FBXO28: variants seen among roughly 807,000 people sequenced by gnomAD.
FBXO28 encodes the protein F-box protein 28.
In FBXO28, 8 loss-of-function variants were observed where a neutral mutation model predicts 38.1. That is an observed-to-expected ratio of 0.21 (90% CI 0.12 to 0.38). FBXO28 has a LOEUF of 0.38. Ranked by LOEUF, FBXO28 falls within the 10% of genes least tolerant of loss-of-function variation. FBXO28 has a pLI of 1.00. For synonymous variants in FBXO28, 168 were observed against 173.8 expected (o/e 0.97, Z 0.26); for missense variants, 345 against 460.6 (o/e 0.75, Z 2.30).
rs367724653 is a variant in FBXO28 at position 224,153,270 on chromosome 1, T to C, written c.645T>C (p.Ile215=). Reference sequence around the variant, plus strand: ...CAATGGAGTACTTTGATGAAAAGATTGTTCCAATTTTAAAGAGGAAATTAC... The same window carrying C: ...CAATGGAGTACTTTGATGAAAAGATCGTTCCAATTTTAAAGAGGAAATTAC... ...SMAMEYFDEK[I]VPILKRKLPG... The change falls in exon 4 of 5, where the codon ATT becomes ATC. Residue 215 remains isoleucine (I), a synonymous_variant. Coordinates refer to ENST00000366862, the MANE Select transcript of FBXO28 (RefSeq NM_015176.4). 4 of 1,611,408 alleles carry C rather than the reference T, an allele frequency of 2.5e-6. No individual in the cohort carries two copies. In the African/African-American group the frequency reaches 5.3e-5, roughly 22 times the overall value.
At position 224,157,653 on chromosome 1, in the gene FBXO28, C is replaced by A. The variant is rs1265726507; in HGVS notation, c.1014C>A (p.Ser338=). ...GTGCTGTAGGAAATTCCTCAGGGTC[C>A]GGGCAGAATGAGGAGTCTCCTCGGA... is the stretch of plus-strand genomic sequence containing the variant. The part of the protein sequence containing the change: ...MESAVGNSSG[S]GQNEESPRKR... The change falls in exon 5 of 5, where the codon TCC becomes TCA. Residue 338 remains serine (S), a synonymous_variant. Transcript: ENST00000366862. 3 of 1,614,026 alleles carry A rather than the reference C, an allele frequency of 1.9e-6. No homozygotes were observed. In the African/African-American group the frequency reaches 4.0e-5, roughly 22 times the overall value.
intron 1 of FBXO28, among the ~76,000 whole-genome samples, chr1:224,128,482 T>C (rs1266467052): frequency 6.6e-6 from 1 of 152,134 alleles, no homozygotes; most frequent in Non-Finnish European, 1.5e-5. Context: ...AAAGTTTATT[T>C]AACAATTTTA....
intron 3 of FBXO28, among the ~76,000 whole-genome samples, chr1:224,143,218 CAAA>C (rs1161345004): frequency 1.1e-4 from 7 of 63,378 alleles, no homozygotes; most frequent in African/African-American, 1.1e-4. Flanking sequence ...GACTCTGTCT[CAAA>C]AAAAAAAAAA....
Position 224,114,163 on chromosome 1 carries a change from G to A in FBXO28, c.34G>A (p.Glu12Lys), listed in dbSNP as rs200241880. ...AGCGGCGGAGGAGCGGATGGCAGAG[G>A]AAGGAGGCGGCGGCCAAGGCGACGG... ...AAAAEERMAEEGGGGQGDGGS... is the reference protein window; with the variant it reads ...AAAAEERMAEKGGGGQGDGGS... Residue 12 changes from glutamate (E) to lysine (K), a missense_variant, in exon 1 of 5, where the codon GAA (glutamate) becomes AAA (lysine). Glu to Lys is a moderately conservative substitution (Grantham distance 56). Around this residue, in one of 6 missense-constraint regions of FBXO28, gnomAD observed 104 missense variants for 82.0 expected, o/e 1.27. Coordinates refer to ENST00000366862, the MANE Select transcript of FBXO28 (RefSeq NM_015176.4). 5 of 1,546,646 alleles carry A rather than the reference G, an allele frequency of 3.2e-6. No homozygotes were observed. The East Asian group carries it at 7.4e-5, about 23-fold the overall frequency.
intron 3 of FBXO28, among the ~76,000 whole-genome samples, chr1:224,138,384 A>G (rs1657248270): frequency 6.6e-6 from 1 of 151,888 alleles, no homozygotes; most frequent in Non-Finnish European, 1.5e-5. Flanking sequence ...AGCCGTGTGC[A>G]ATGTGTGGTA....
At chr1:224,141,195 G>A (rs376871677) in intron 3 of FBXO28, among the ~76,000 whole-genome samples, 4 of 150,504 alleles carry the variant, frequency 2.7e-5, no homozygotes, top group South Asian at 2.1e-4. Flanking sequence ...ACAATCGGCC[G>A]GGCATGGTGG....
chr1:224,134,030 C>T, intron 2 of FBXO28, 44 bp from the exon 3 acceptor site: 1 of 1,401,260 alleles, frequency 7.1e-7, no homozygotes. Flanking sequence ...GTCCACAATA[C>T]TGCTTTAATG....
At chr1:224,139,633 T>C (rs1290636702) in intron 3 of FBXO28, among the ~76,000 whole-genome samples, 2 of 151,964 alleles carry the variant, frequency 1.3e-5, no homozygotes. Flanking sequence ...CCCAGCCACT[T>C]GGGAGGCTGA....
At chr1:224,147,970 A>G (rs1315680788) in intron 3 of FBXO28, among the ~76,000 whole-genome samples, 1 of 152,212 alleles carries the variant, frequency 6.6e-6, no homozygotes, top group African/African-American at 2.4e-5. Flanking sequence ...TATGGTTCTC[A>G]CACACATACT....
chr1:224,148,291 G>A (rs1421173337), intron 3 of FBXO28, among the ~76,000 whole-genome samples: 1 of 152,136 alleles, frequency 6.6e-6, no homozygotes, highest in Non-Finnish European at 1.5e-5. Context: ...ATCCCTGTAG[G>A]ATATTTTGAT....
At chr1:224,155,098 A>G (rs374924427) in intron 4 of FBXO28, among the ~76,000 whole-genome samples, 1 of 152,202 alleles carries the variant, frequency 6.6e-6, no homozygotes, top group Non-Finnish European at 1.5e-5. Flanking sequence ...TAAAATGCCA[A>G]AAACTCTTCA....
intron 4 of FBXO28, among the ~76,000 whole-genome samples, chr1:224,154,114 A>G (rs1222638440): frequency 6.6e-6 from 1 of 152,206 alleles, no homozygotes; most frequent in Non-Finnish European, 1.5e-5. Context: ...AAAATATTGT[A>G]AGTCAAAAAA....
intron 3 of FBXO28, among the ~76,000 whole-genome samples, chr1:224,145,271 G>T (rs1213968481): frequency 9.0e-6 from 1 of 111,206 alleles, no homozygotes; most frequent in Non-Finnish European, 1.7e-5. Context: ...TCCAGCCTGG[G>T]CAACAGAGCA....
At chr1:224,128,428 T>C (rs975083975) in intron 1 of FBXO28, among the ~76,000 whole-genome samples, 3 of 151,944 alleles carry the variant, frequency 2.0e-5, no homozygotes, top group African/African-American at 7.3e-5. Flanking sequence ...ATCTCAGAAA[T>C]ATAACAAATG....
chr1:224,121,865 T>C (rs1358971863), intron 1 of FBXO28, among the ~76,000 whole-genome samples: 1 of 152,136 alleles, frequency 6.6e-6, no homozygotes, highest in Non-Finnish European at 1.5e-5. Context: ...CACCTCTGCC[T>C]CCTGGGTTCA....
intron 3 of FBXO28, among the ~76,000 whole-genome samples, chr1:224,135,793 T>G (rs962497276): frequency 6.6e-6 from 1 of 151,858 alleles, no homozygotes; most frequent in African/African-American, 2.4e-5. Flanking sequence ...TCCCCACACT[T>G]TGGGAGGCCG....
chr1:224,118,545 T>TA, intron 1 of FBXO28, among the ~76,000 whole-genome samples: 1 of 152,328 alleles, frequency 6.6e-6, no homozygotes, highest in South Asian at 2.1e-4. Flanking sequence ...AATACATAAA[T>TA]ACGTGCTTTT....
At chr1:224,150,581 T>A (rs1453763534) in intron 3 of FBXO28, among the ~76,000 whole-genome samples, 1 of 152,204 alleles carries the variant, frequency 6.6e-6, no homozygotes, top group African/African-American at 2.4e-5. Context: ...TCTTTGGAGA[T>A]ATACATGTAT....
rs12561983 is a variant in FBXO28 at position 224,127,053 on chromosome 1, T to C, written c.268-3419T>C. On this transcript the variant is annotated intron_variant, in intron 1 of 4. Coordinates refer to ENST00000366862, the MANE Select transcript of FBXO28 (RefSeq NM_015176.4). ...CCCCACATGAAGTTCAGTACTGGTGTTTGTGGTCATGTGATTATTCAGGAC... is the reference window on the plus strand; with the variant it reads ...CCCCACATGAAGTTCAGTACTGGTGCTTGTGGTCATGTGATTATTCAGGAC... Among the ~76,000 whole-genome samples, 161 of 151,996 alleles carry C rather than the reference T, an allele frequency of 1.1e-3. 2 individuals are homozygous for C. In the East Asian group the frequency reaches 0.024, roughly 22 times the overall value.
Sources: gnomAD v4.1 joint callset for allele counts (sites outside exome capture counted in the v4.1 genomes callset) on GRCh38, gnomAD v4.1.1 for gene constraint, gnomAD v4.1.1 regional missense constraint, MANE v1.5 for transcripts, NCBI Gene and HGNC (gene_info 2026-07-23, HGNC 2026-07-21) for gene names.